DNM3: variants seen among roughly 807,000 people sequenced by gnomAD.
DNM3 encodes dynamin 3.
Under a neutral mutation model 101.6 loss-of-function variants are expected in DNM3, and 47 were observed. The observed-to-expected ratio is 0.46, with a 90% confidence interval of 0.37 to 0.59. DNM3 has a LOEUF of 0.59. DNM3 is among the 20% of genes least tolerant of loss of function. The pLI is 0.00. For synonymous variants in DNM3, 385 were observed against 387.9 expected, an observed-to-expected ratio of 0.99 and a Z score of 0.09; for missense variants, 849 against 1,085.7, an observed-to-expected ratio of 0.78 and a Z score of 3.06.
intron 10 of DNM3, among the ~76,000 whole-genome samples, chr1:172,053,979 T>G (rs1027688058): frequency 2.0e-5 from 3 of 152,142 alleles, no homozygotes; most frequent in Admixed American, 2.0e-4. Flanking sequence ...TTTTGAGACT[T>G]AAAGGGAGTG....
At chr1:172,350,058 G>T (rs1160278056) in intron 17 of DNM3, among the ~76,000 whole-genome samples, 2 of 152,130 alleles carry the variant, frequency 1.3e-5, no homozygotes, top group East Asian at 3.9e-4. Flanking sequence ...ATGCTAAATT[G>T]GTATCGATTT....
At chr1:172,021,939 C>T (rs771530514) in intron 4 of DNM3, among the ~76,000 whole-genome samples, 1 of 152,190 alleles carries the variant, frequency 6.6e-6, no homozygotes, top group Non-Finnish European at 1.5e-5. Flanking sequence ...GCAAGTTTTT[C>T]TCCTTCCTGG....
chr1:171,938,445 A>G (rs2041598044), intron 2 of DNM3, among the ~76,000 whole-genome samples: 1 of 152,190 alleles, frequency 6.6e-6, no homozygotes, highest in African/African-American at 2.4e-5. Flanking sequence ...AGTGTCAGAC[A>G]GTTCTCAAGC....
chr1:172,212,356 A>G (rs1205893227), intron 14 of DNM3, among the ~76,000 whole-genome samples: 1 of 152,192 alleles, frequency 6.6e-6, no homozygotes, highest in Non-Finnish European at 1.5e-5. Context: ...CCTGACAATG[A>G]TTCATATGAG....
At chr1:172,383,688 G>T (rs1334923402) in intron 18 of DNM3, among the ~76,000 whole-genome samples, 1 of 152,114 alleles carries the variant, frequency 6.6e-6, no homozygotes, top group Non-Finnish European at 1.5e-5. Context: ...TAGAAAAGAA[G>T]GTTTAAGATC....
At chr1:172,145,322 CTG>C (rs141155932) in intron 14 of DNM3, among the ~76,000 whole-genome samples, 388 of 147,266 alleles carry the variant, frequency 2.6e-3, no homozygotes, top group African/African-American at 9.6e-3. Context: ...GTCTGTCTGT[CTG>C]TCTCTCTCTC....
chr1:172,271,331 G>T (rs2063076109), intron 15 of DNM3, among the ~76,000 whole-genome samples: 1 of 151,962 alleles, frequency 6.6e-6, no homozygotes, highest in Admixed American at 6.6e-5. Context: ...TAAAAATGAG[G>T]TTTTAAAAAT....
intron 13 of DNM3, among the ~76,000 whole-genome samples, chr1:172,098,802 C>T (rs903851675): frequency 1.1e-4 from 17 of 152,278 alleles, no homozygotes; most frequent in East Asian, 5.8e-4. Flanking sequence ...CCTGACTTTC[C>T]GCAACAAGTG....
chr1:172,267,177 G>T (rs2062896035), intron 15 of DNM3, among the ~76,000 whole-genome samples: 2 of 152,222 alleles, frequency 1.3e-5, no homozygotes, highest in Admixed American at 1.3e-4. Flanking sequence ...CTGTGAGACT[G>T]CTTTCCATGA....
intron 2 of DNM3, among the ~76,000 whole-genome samples, chr1:171,964,856 C>T (rs1003009766): frequency 4.0e-5 from 6 of 150,730 alleles, no homozygotes; most frequent in South Asian, 2.1e-4. Context: ...TGGGAACCTC[C>T]GTTGTGGCAC....
chr1:172,352,139 A>G (rs1220129191), intron 17 of DNM3, among the ~76,000 whole-genome samples: 1 of 152,208 alleles, frequency 6.6e-6, no homozygotes, highest in Non-Finnish European at 1.5e-5. Flanking sequence ...GTCCACTTAC[A>G]ACAGGAATGC....
chr1:172,070,536 A>G (rs568233087), intron 11 of DNM3, among the ~76,000 whole-genome samples: 1 of 152,216 alleles, frequency 6.6e-6, no homozygotes, highest in Non-Finnish European at 1.5e-5. Flanking sequence ...ATTTGTAATC[A>G]TATCTATGTC....
chr1:172,073,261 A>G (rs1434192389), intron 11 of DNM3, among the ~76,000 whole-genome samples: 1 of 146,882 alleles, frequency 6.8e-6, no homozygotes, highest in East Asian at 2.0e-4. Flanking sequence ...ATACATACAT[A>G]TACGTATATA....
chr1:172,278,951 T>C lies in DNM3; in HGVS notation c.1769+25269T>C, dbSNP rs552447238. On this transcript the variant is annotated intron_variant, in intron 15 of 20. Transcript: ENST00000627582. ...TTAACCCAGAGGAGTTAGGCCAGTT[T>C]TCTGTTGCTGAAATTCACTTTGCTT... Among the ~76,000 whole-genome samples the C allele has an allele frequency of 3.9e-5, 6 of 152,268 alleles. No homozygotes were observed. The East Asian group carries it at 1.2e-3, about 29-fold the overall frequency.
intron 6 of DNM3, 79 bp from the exon 7 acceptor site, chr1:172,038,240 T>C: frequency 1.3e-6 from 2 of 1,541,288 alleles, no homozygotes; most frequent in Admixed American, 2.0e-5. Context: ...TGGAGGCGGA[T>C]CTTTGTCTCA....
At chr1:171,874,711 A>C (rs1346643135) in intron 1 of DNM3, among the ~76,000 whole-genome samples, 2 of 152,022 alleles carry the variant, frequency 1.3e-5, no homozygotes, top group African/African-American at 4.8e-5. Context: ...CGTTTGTTAC[A>C]TGGGTAGATT....
chr1:171,987,776 C>T lies in DNM3; in HGVS notation c.356C>T (p.Pro119Leu). The part of the protein sequence containing the change: ...TGMNKGISSI[P>L]INLRVYSPHV... ...ATGAATAAAGGCATTTCCTCCATAC[C>T]CATTAATTTACGAGTCTATTCCCCA... The change falls in exon 3 of 21, where the codon CCC (proline) becomes CTC (leucine). Residue 119 changes from proline (P) to leucine (L), a missense_variant. Pro to Leu is a moderately conservative substitution (Grantham distance 98, BLOSUM62 -3). Transcript: ENST00000627582. 1 of 1,578,828 alleles carries T rather than the reference C, an allele frequency of 6.3e-7. No individual in the cohort carries two copies. Among genetic ancestry groups the T allele is most frequent in the Non-Finnish European group, 8.6e-7 (1 of 1,167,176 alleles).
intron 1 of DNM3, among the ~76,000 whole-genome samples, chr1:171,889,146 A>AT (rs1416601861): frequency 6.6e-6 from 1 of 151,904 alleles, no homozygotes; most frequent in Non-Finnish European, 1.5e-5. Flanking sequence ...TGCCCGGCTA[A>AT]TTTTTTTGTT....
chr1:172,327,348 C>A (rs1398748729), intron 17 of DNM3, among the ~76,000 whole-genome samples: 1 of 151,988 alleles, frequency 6.6e-6, no homozygotes, highest in Non-Finnish European at 1.5e-5. Flanking sequence ...TCAAATGGCA[C>A]CAAAGTATAT....
Sources: gnomAD v4.1 joint callset for allele counts (sites outside exome capture counted in the v4.1 genomes callset) on GRCh38, gnomAD v4.1.1 for gene constraint, MANE v1.5 for transcripts, NCBI Gene and HGNC (gene_info 2026-07-23, HGNC 2026-07-21) for gene names.